LUZP2: variants seen among roughly 807,000 people sequenced by gnomAD.
LUZP2 encodes leucine zipper protein 2.
A neutral mutation model predicts 51.6 loss-of-function variants in LUZP2; 52 were observed. The observed-to-expected ratio is 1.01, with a 90% CI of 0.81 to 1.27. LUZP2 has a LOEUF of 1.27. Among genes scored for constraint, LUZP2 ranks in the 50% most tolerant of loss-of-function variants. The pLI, the probability that LUZP2 is intolerant of heterozygous loss-of-function variation, is 0.00. For synonymous variants in LUZP2, 154 were observed against 137.3 expected (o/e 1.12, Z -0.85); for missense variants, 436 against 395.4 (o/e 1.10, Z -0.87).
intron 7 of LUZP2, among the ~76,000 whole-genome samples, chr11:24,916,042 GC>G (rs1411488407): frequency 6.6e-6 from 1 of 151,546 alleles, no homozygotes; most frequent in Non-Finnish European, 1.5e-5. Context: ...AAGAAGTAAT[GC>G]TTGCTGTCAA....
intron 1 of LUZP2, among the ~76,000 whole-genome samples, chr11:24,581,816 C>A (rs546426186): frequency 6.6e-6 from 1 of 152,086 alleles, no homozygotes; most frequent in Non-Finnish European, 1.5e-5. Context: ...ACTCTCACAA[C>A]AAAGTTAGCA....
chr11:24,731,077 A>C (rs1221403601), intron 2 of LUZP2, among the ~76,000 whole-genome samples: 1 of 151,690 alleles, frequency 6.6e-6, no homozygotes, highest in Non-Finnish European at 1.5e-5. Context: ...ATTGCTTCCC[A>C]ATGATAACCT....
intron 5 of LUZP2, among the ~76,000 whole-genome samples, chr11:24,847,935 G>A (rs1851254266): frequency 6.6e-6 from 1 of 151,984 alleles, no homozygotes; most frequent in South Asian, 2.1e-4. Flanking sequence ...CATTTAAGCT[G>A]GCTTATTTGT....
intron 6 of LUZP2, among the ~76,000 whole-genome samples, chr11:24,912,524 T>C (rs1853666882): frequency 6.6e-6 from 1 of 152,062 alleles, no homozygotes; most frequent in African/African-American, 2.4e-5. Context: ...AGAAATATTC[T>C]GGGGCTGGGC....
chr11:24,918,510 A>T (rs1190295251), intron 7 of LUZP2, among the ~76,000 whole-genome samples: 1 of 151,938 alleles, frequency 6.6e-6, no homozygotes, highest in Non-Finnish European at 1.5e-5. Flanking sequence ...AAAATTCAAC[A>T]GTGCTTCATG....
intron 5 of LUZP2, among the ~76,000 whole-genome samples, chr11:24,778,412 C>CT (rs59353599): frequency 0.68 from 103,399 of 151,566 alleles, 35,387 homozygotes; most frequent in African/African-American, 0.71. Context: ...AAGATCCTTT[C>CT]AAAAAATGAA....
At chr11:24,600,625 A>G (rs1853599804) in intron 1 of LUZP2, among the ~76,000 whole-genome samples, 3 of 152,136 alleles carry the variant, frequency 2.0e-5, no homozygotes, top group Admixed American at 1.3e-4. Context: ...AACTCTAACT[A>G]AAACTTAGCT....
At chr11:24,830,897 G>C (rs1346252037) in intron 5 of LUZP2, among the ~76,000 whole-genome samples, 2 of 152,122 alleles carry the variant, frequency 1.3e-5, no homozygotes, top group Non-Finnish European at 2.9e-5. Flanking sequence ...GGTAGGCTGA[G>C]GCAGGAGAAT....
chr11:24,794,777 G>C (rs891380619), intron 5 of LUZP2, among the ~76,000 whole-genome samples: 4 of 151,998 alleles, frequency 2.6e-5, no homozygotes, highest in African/African-American at 9.7e-5. Context: ...CTGAAATGAA[G>C]TGTGGTATTA....
chr11:25,037,849 C>T (rs1257638526), intron 9 of LUZP2, among the ~76,000 whole-genome samples: 1 of 151,858 alleles, frequency 6.6e-6, no homozygotes. Flanking sequence ...ATGGAGTTTC[C>T]TCTGTAGGTT....
At chr11:24,811,989 G>A (rs150153397) in intron 5 of LUZP2, among the ~76,000 whole-genome samples, 1 of 152,146 alleles carries the variant, frequency 6.6e-6, no homozygotes, top group Non-Finnish European at 1.5e-5. Flanking sequence ...CAAAAAAGGT[G>A]GTTGAAGGAA....
intron 5 of LUZP2, among the ~76,000 whole-genome samples, chr11:24,771,182 G>A (rs561966721): frequency 4.6e-5 from 7 of 151,884 alleles, no homozygotes; most frequent in African/African-American, 1.7e-4. Context: ...CTTTCACATT[G>A]CAGAATCTAG....
chr11:24,650,648 C>T (rs1405847425), intron 1 of LUZP2, among the ~76,000 whole-genome samples: 3 of 152,028 alleles, frequency 2.0e-5, no homozygotes, highest in Admixed American at 1.3e-4. Context: ...TTAAGAAATA[C>T]TCAAAATTTC....
At chr11:25,044,353 A>C (rs935777093) in intron 9 of LUZP2, among the ~76,000 whole-genome samples, 1 of 147,770 alleles carries the variant, frequency 6.8e-6, no homozygotes, top group Non-Finnish European at 1.5e-5. Context: ...CTTTCACTCC[A>C]ATATACATCA....
chr11:25,047,016 A>C (rs1297735167), intron 9 of LUZP2, among the ~76,000 whole-genome samples: 1 of 152,194 alleles, frequency 6.6e-6, no homozygotes, highest in East Asian at 1.9e-4. Context: ...CTATATGTGA[A>C]AAGAAATTTG....
At chr11:24,731,784 C>G (rs1374006802) in intron 2 of LUZP2, among the ~76,000 whole-genome samples, 1 of 151,744 alleles carries the variant, frequency 6.6e-6, no homozygotes, top group Admixed American at 6.6e-5. Context: ...CAGACCTGGT[C>G]TAACTTGCCT....
intron 5 of LUZP2, among the ~76,000 whole-genome samples, chr11:24,807,281 C>T (rs181654142): frequency 2.4e-4 from 36 of 151,934 alleles, no homozygotes; most frequent in African/African-American, 8.4e-4. Flanking sequence ...CTGACTAACA[C>T]GGTGAAACAC....
At chr11:24,579,457 A>G (rs780936835) in intron 1 of LUZP2, among the ~76,000 whole-genome samples, 32 of 152,106 alleles carry the variant, frequency 2.1e-4, no homozygotes, top group Non-Finnish European at 3.4e-4. Context: ...TTCTATTTTT[A>G]TAGAGCATAG....
intron 9 of LUZP2, among the ~76,000 whole-genome samples, chr11:24,997,405 C>A (rs1303835008): frequency 6.6e-6 from 1 of 152,128 alleles, no homozygotes; most frequent in African/African-American, 2.4e-5. Context: ...TTTTTGGCTG[C>A]ATAAATGTCT....
Sources: allele counts gnomAD v4.1 joint callset (sites outside exome capture counted in the v4.1 genomes callset), GRCh38; gene constraint gnomAD v4.1.1; transcripts MANE v1.5; gene names NCBI Gene and HGNC (gene_info 2026-07-23, HGNC 2026-07-21).